The following TESK2 variants were observed in gnomAD, a reference collection of about 807,000 sequenced individuals.
The protein encoded by TESK2 is testis associated actin remodelling kinase 2, also known as dual specificity testis-specific protein kinase 2.
Under a neutral mutation model 57.1 loss-of-function variants are expected in TESK2, and 39 were observed. The observed-to-expected ratio is 0.68, with a 90% CI of 0.53 to 0.89. The LOEUF (loss-of-function observed/expected upper bound fraction) is 0.89. Among genes scored for constraint, TESK2 ranks in the 40% least tolerant of loss-of-function variants. The pLI is 0.00. For missense variants in TESK2, 646 were observed against 732.1 expected, an observed-to-expected ratio of 0.88 and a Z score of 1.36; for synonymous variants, 249 against 267.9, an observed-to-expected ratio of 0.93 and a Z score of 0.69.
chr1:45,462,270 T>A (rs1211449499), intron 1 of TESK2, among the ~76,000 whole-genome samples: 2 of 151,712 alleles, frequency 1.3e-5, no homozygotes, highest in Non-Finnish European at 2.9e-5. Context: ...AAAAAAGGGA[T>A]CTCTTTTTTT....
intron 1 of TESK2, among the ~76,000 whole-genome samples, chr1:45,476,439 G>A (rs34764843): frequency 1.7e-3 from 252 of 150,672 alleles, no homozygotes; most frequent in African/African-American, 5.6e-3. Context: ...GCCCAGGAGC[G>A]GAGGTTGCAA....
At chr1:45,420,897 T>C (rs544786759) in intron 3 of TESK2, among the ~76,000 whole-genome samples, 3 of 152,130 alleles carry the variant, frequency 2.0e-5, no homozygotes, top group Non-Finnish European at 4.4e-5. Flanking sequence ...CAAATTTTTT[T>C]TAAAAAGAAA....
At chr1:45,456,246 C>T (rs1218444194) in intron 2 of TESK2, among the ~76,000 whole-genome samples, 2 of 151,012 alleles carry the variant, frequency 1.3e-5, no homozygotes, top group African/African-American at 2.4e-5. Context: ...AGGTTGGGCG[C>T]GGTGGCTCAT....
intron 2 of TESK2, among the ~76,000 whole-genome samples, chr1:45,446,353 C>CA (rs1651648992): frequency 6.6e-6 from 1 of 151,666 alleles, no homozygotes; most frequent in African/African-American, 2.4e-5. Context: ...CCTAGCTACT[C>CA]AGGAGGCTGA....
At chr1:45,397,357 A>T (rs927037536) in intron 3 of TESK2, among the ~76,000 whole-genome samples, 1 of 152,160 alleles carries the variant, frequency 6.6e-6, no homozygotes, top group Admixed American at 6.6e-5. Flanking sequence ...CTGTGTTCTT[A>T]ATCACAATGC....
intron 3 of TESK2, among the ~76,000 whole-genome samples, chr1:45,391,351 G>A (rs914788455): frequency 6.6e-6 from 1 of 151,496 alleles, no homozygotes; most frequent in Non-Finnish European, 1.5e-5. Context: ...CTGAGTAGCT[G>A]GGACTACAGG....
chr1:45,417,694 C>G (rs1650299709), intron 3 of TESK2, among the ~76,000 whole-genome samples: 1 of 151,604 alleles, frequency 6.6e-6, no homozygotes, highest in Non-Finnish European at 1.5e-5. Flanking sequence ...AGGGTTCACG[C>G]CATTCTCCTG....
At chr1:45,471,684 G>A (rs1652770157) in intron 1 of TESK2, among the ~76,000 whole-genome samples, 1 of 152,058 alleles carries the variant, frequency 6.6e-6, no homozygotes, top group Non-Finnish European at 1.5e-5. Flanking sequence ...GAGATTACAG[G>A]CATGAGCCAC....
chr1:45,468,176 A>T (rs1431050249), intron 1 of TESK2, among the ~76,000 whole-genome samples: 1 of 117,350 alleles, frequency 8.5e-6, no homozygotes, highest in Non-Finnish European at 1.7e-5. Context: ...CGTCTGTCTC[A>T]AAAAAAAAAA....
At chr1:45,428,405 G>T (rs1650788463) in intron 2 of TESK2, among the ~76,000 whole-genome samples, 1 of 151,824 alleles carries the variant, frequency 6.6e-6, no homozygotes, top group South Asian at 2.1e-4. Context: ...TTCTACCAAG[G>T]GATAATAATC....
chr1:45,403,019 C>T, intron 3 of TESK2, among the ~76,000 whole-genome samples: 1 of 151,698 alleles, frequency 6.6e-6, no homozygotes, highest in East Asian at 1.9e-4. Context: ...TACAGCAGCT[C>T]ACACCTGTAA....
chr1:45,392,476 G>A (rs1001036456), intron 3 of TESK2, among the ~76,000 whole-genome samples: 2 of 152,118 alleles, frequency 1.3e-5, no homozygotes, highest in Non-Finnish European at 2.9e-5. Flanking sequence ...GCAGAAGCTG[G>A]CGGATCACCT....
intron 4 of TESK2, among the ~76,000 whole-genome samples, chr1:45,377,833 A>C (rs113547856): frequency 0.01 from 1,565 of 151,320 alleles, 28 homozygotes; most frequent in African/African-American, 0.036. Context: ...TGAGACCAGC[A>C]TGGCCAACAT....
At chr1:45,429,416 T>A (rs965242320) in intron 2 of TESK2, among the ~76,000 whole-genome samples, 19 of 150,778 alleles carry the variant, frequency 1.3e-4, no homozygotes, top group East Asian at 5.9e-4. Context: ...TAAAAAAAAA[T>A]TTTTTTTTTA....
chr1:45,414,014 A>C (rs902673334), intron 3 of TESK2: 71 of 344,164 alleles, frequency 2.1e-4, no homozygotes, highest in Admixed American at 1.1e-3. Flanking sequence ...ACAAATTCTA[A>C]GAACCTTGAG....
intron 3 of TESK2, among the ~76,000 whole-genome samples, chr1:45,399,628 T>C (rs1649518876): frequency 1.3e-5 from 2 of 151,964 alleles, no homozygotes; most frequent in Non-Finnish European, 2.9e-5. Flanking sequence ...TTTTTGTATT[T>C]TTGTAGAGAT....
chr1:45,385,760 G>C (rs886462225), intron 4 of TESK2, 152 bp downstream of exon 4: 2 of 251,828 alleles, frequency 7.9e-6, no homozygotes, highest in Non-Finnish European at 1.5e-5. Context: ...ATTGTTCCCA[G>C]GCAACAGAAT....
chr1:45,387,115 G>C (rs900697806), intron 3 of TESK2, among the ~76,000 whole-genome samples: 16 of 152,094 alleles, frequency 1.1e-4, no homozygotes, highest in Admixed American at 1.0e-3. Context: ...TGAAGTATCT[G>C]GTTGTAGCAA....
chr1:45,442,877 C>T (rs1173869961), intron 2 of TESK2, among the ~76,000 whole-genome samples: 1 of 152,174 alleles, frequency 6.6e-6, no homozygotes, highest in East Asian at 1.9e-4. Context: ...CCTCCACCTC[C>T]TGGGTTCAAG....
Sources: allele counts gnomAD v4.1 joint callset (sites outside exome capture counted in the v4.1 genomes callset), GRCh38; gene constraint gnomAD v4.1.1; transcripts MANE v1.5; gene names NCBI Gene and HGNC (gene_info 2026-07-23, HGNC 2026-07-21).